The following SCG3 variants were observed in gnomAD, a reference collection of about 807,000 sequenced individuals.
The protein encoded by SCG3 is secretogranin-3.
In SCG3, 38 loss-of-function variants were observed where a neutral mutation model predicts 56.2. The observed-to-expected ratio is 0.68, with a 90% confidence interval of 0.52 to 0.89. The LOEUF (loss-of-function observed/expected upper bound fraction) is 0.89, where lower values mean the gene tolerates loss of function less well. SCG3 is among the 40% of genes least tolerant of loss of function. The pLI is 0.00. For synonymous variants in SCG3, 176 were observed against 184.2 expected, an observed-to-expected ratio of 0.96 and a Z score of 0.36; for missense variants, 524 against 540.7, an observed-to-expected ratio of 0.97 and a Z score of 0.31.
chr15:51,689,755 C>CTGCA (rs1245636016), intron 6 of SCG3, among the ~76,000 whole-genome samples: 1 of 151,754 alleles, frequency 6.6e-6, no homozygotes, highest in Non-Finnish European at 1.5e-5. Context: ...CCACTGCATA[C>CTGCA]CGGTCTGGGT....
intron 6 of SCG3, among the ~76,000 whole-genome samples, chr15:51,689,940 A>C (rs79672107): frequency 0.021 from 3,273 of 152,298 alleles, 99 homozygotes; most frequent in East Asian, 0.094. Flanking sequence ...CCACAGTAAA[A>C]TAATACATAA....
chr15:51,693,285 T>C (rs772739337), intron 7 of SCG3: 7 of 152,250 alleles, frequency 4.6e-5, no homozygotes, highest in Non-Finnish European at 1.0e-4. Flanking sequence ...GTATGAAACC[T>C]AATTCATCCT....
At chr15:51,692,931 T>G (rs1462750564) in intron 7 of SCG3, among the ~76,000 whole-genome samples, 1 of 152,136 alleles carries the variant, frequency 6.6e-6, no homozygotes, top group Non-Finnish European at 1.5e-5. Context: ...TTAGCTAATT[T>G]CAAGTACACA....
At chr15:51,714,487 C>T (rs777962347) in intron 11 of SCG3, among the ~76,000 whole-genome samples, 10 of 152,178 alleles carry the variant, frequency 6.6e-5, no homozygotes, top group Non-Finnish European at 1.0e-4. Context: ...GATTCTGACA[C>T]GATTCCCAGG....
In SCG3 at chr15:51,683,362, G is replaced by T; in HGVS notation, c.325G>T (p.Asp109Tyr). The change falls in exon 4 of 12, where the codon GAT becomes TAT. Residue 109 changes from aspartate to tyrosine, a missense_variant. Coordinates refer to ENST00000220478, the MANE Select transcript of SCG3 (RefSeq NM_013243.4). ...TAATAAGTTGAATGTGGAAGATGTT[G>T]ATTCAACCAAGAATCGAAAACTGAT... ...LDNKLNVEDV[D>Y]STKNRKLIDD... The T allele has an allele frequency of 6.2e-7, 1 of 1,613,640 alleles. No homozygotes were observed. The highest frequency in any genetic ancestry group is 1.1e-5 in the South Asian group (1 of 91,036).
intron 5 of SCG3, 81 bp from the exon 6 acceptor site, chr15:51,689,138 G>C: frequency 7.1e-7 from 1 of 1,405,538 alleles, no homozygotes. Context: ...ATACATGTTT[G>C]ACTACAGTTT....
chr15:51,683,388 C>G lies in SCG3; in HGVS notation c.351C>G (p.Ile117Met). Residue 117 changes from isoleucine to methionine, a missense_variant, in exon 4 of 12, where the codon ATC (isoleucine) becomes ATG (methionine). By Grantham distance (10) the Ile-to-Met change is conservative (BLOSUM62 1). Transcript: ENST00000220478. ...DVDSTKNRKL[I>M]DDYDSTKSGL... is the part of the protein sequence containing the mutation. ...ATTCAACCAAGAATCGAAAACTGATCGATGATTATGACTCTACTAAGAGTG... is the reference window on the plus strand; with the variant it reads ...ATTCAACCAAGAATCGAAAACTGATGGATGATTATGACTCTACTAAGAGTG... 6.2e-7 allele frequency: 1 copy of G among 1,613,300 alleles called. No homozygotes were observed. Among genetic ancestry groups the G allele is most frequent in the Non-Finnish European group, 8.5e-7 (1 of 1,179,684 alleles).
chr15:51,686,681 A>ATGTT (rs59206609), intron 4 of SCG3, among the ~76,000 whole-genome samples: 8,066 of 150,350 alleles, frequency 0.054, 316 homozygotes, highest in African/African-American at 0.094. Context: ...AACTGATTTT[A>ATGTT]TGTTTGTTTG....
At position 51,701,157 on chromosome 15, in the gene SCG3, G is replaced by T; in HGVS notation, c.1120G>T (p.Ala374Ser). The T allele has an allele frequency of 1.2e-6, 2 of 1,613,870 alleles. No homozygotes were observed. Among genetic ancestry groups the T allele is most frequent in the Non-Finnish European group, 1.7e-6 (2 of 1,179,898 alleles). ...EETDSTKEEA[A>S]KMEKEYGSLK... ...AACAGACAGTACCAAGGAAGAAGCAGCTAAGATGGAAAAGGAATATGGAAG... is the reference window on the plus strand; with the variant it reads ...AACAGACAGTACCAAGGAAGAAGCATCTAAGATGGAAAAGGAATATGGAAG... The change falls in exon 10 of 12, where the codon GCT (alanine) becomes TCT (serine). Residue 374 changes from alanine to serine, a missense_variant. Physicochemically the swap from Ala to Ser is moderately conservative, Grantham distance 99. Coordinates refer to ENST00000220478, the MANE Select transcript of SCG3 (RefSeq NM_013243.4).
rs138721955 is a variant in SCG3, at chr15:51,701,136, G to C, written c.1099G>C (p.Asp367His). Residue 367 changes from aspartate to histidine, a missense_variant, in exon 10 of 12, where the codon GAC (aspartate) becomes CAC (histidine). Physicochemically the swap from Asp to His is moderately conservative, Grantham distance 81. Transcript: ENST00000220478. ...ATCAGAGAAGAGTCATGAAGAAACA[G>C]ACAGTACCAAGGAAGAAGCAGCTAA... ...APSEKSHEET[D>H]STKEEAAKME... is the part of the protein sequence containing the mutation. 5.8e-5 allele frequency: 93 copies of C among 1,613,804 alleles called. No individual in the cohort carries two copies. Among genetic ancestry groups the C allele is most frequent in the Non-Finnish European group, 7.5e-5 (88 of 1,179,974 alleles).
Position 51,681,524 on chromosome 15 carries a change from G to C in SCG3, c.-232G>C, listed in dbSNP as rs1446278202. 1 of 555,748 alleles carries C rather than the reference G, an allele frequency of 1.8e-6. No homozygotes were observed. Among genetic ancestry groups the C allele is most frequent in the East Asian group, 3.0e-5 (1 of 33,760 alleles). The allele number at this position is 555,748 out of a possible 1,614,324, so 34.4% of individuals were successfully genotyped here. Reference sequence around the variant, plus strand: ...CGTCACAGGAACTTCAGCACCCACAGGGCGGACAGCGCTCCCCTCTACCTG... The same window carrying C: ...CGTCACAGGAACTTCAGCACCCACACGGCGGACAGCGCTCCCCTCTACCTG... On this transcript the variant is annotated 5_prime_UTR_variant, in exon 1 of 12. Transcript: ENST00000220478.
At chr15:51,719,108 C>T (rs1405778650) in intron 11 of SCG3, among the ~76,000 whole-genome samples, 1 of 152,174 alleles carries the variant, frequency 6.6e-6, no homozygotes, top group Admixed American at 6.5e-5. Flanking sequence ...TTGGTATAAA[C>T]ATTAAAATTT....
At chr15:51,714,954 C>A (rs2055444079) in intron 11 of SCG3, among the ~76,000 whole-genome samples, 1 of 152,154 alleles carries the variant, frequency 6.6e-6, no homozygotes, top group South Asian at 2.1e-4. Flanking sequence ...TTACAACATG[C>A]CATCAATGAC....
At chr15:51,689,397 G>GA in intron 6 of SCG3, 29 bp downstream of exon 6, 1 of 1,087,932 alleles carries the variant, frequency 9.2e-7, no homozygotes, top group Non-Finnish European at 1.2e-6. Flanking sequence ...GCATATGCAT[G>GA]GGGGTGTGTG....
Position 51,719,651 on chromosome 15 carries a change from A to C in SCG3, c.*125A>C. 2 of 634,560 alleles carry C rather than the reference A, an allele frequency of 3.2e-6. No homozygotes were observed. Among genetic ancestry groups the C allele is most frequent in the South Asian group, 2.1e-5 (1 of 48,142 alleles). 39.3% of individuals were successfully genotyped at this position (634,560 alleles called of 1,614,324 possible). Reference sequence around the variant, plus strand: ...TATTAGAAAGTGCTGAATTTACAGTAGTTAACCTTTTACAAGTGGTTAAAA... The same window carrying C: ...TATTAGAAAGTGCTGAATTTACAGTCGTTAACCTTTTACAAGTGGTTAAAA... On this transcript the variant is annotated 3_prime_UTR_variant, in exon 12 of 12. Coordinates refer to ENST00000220478, the MANE Select transcript of SCG3 (RefSeq NM_013243.4).
At position 51,683,111 on chromosome 15, in the gene SCG3, A is replaced by G. The variant is rs2064132284; in HGVS notation, c.168A>G (p.Lys56=). 4.3e-6 allele frequency: 7 copies of G among 1,610,046 alleles called. No homozygotes were observed. Among genetic ancestry groups the G allele is most frequent in the Non-Finnish European group, 5.9e-6 (7 of 1,178,340 alleles). The stretch of plus-strand genomic sequence containing the variant: ...AAGCAGAAGAAGACAAGATTAAAAA[A>G]ACATATCCTCCAGGTAAAAAGAAAT... ...IAEAEEDKIK[K]TYPPENKPGQ... is the part of the protein sequence containing the mutation. Residue 56 remains lysine (K), a synonymous_variant, in exon 3 of 12, where the codon AAA becomes AAG. Coordinates refer to ENST00000220478, the MANE Select transcript of SCG3 (RefSeq NM_013243.4).
intron 7 of SCG3, among the ~76,000 whole-genome samples, chr15:51,695,054 G>A (rs1319732534): frequency 1.3e-5 from 2 of 151,594 alleles, no homozygotes; most frequent in African/African-American, 4.8e-5. Flanking sequence ...AAGAAAAAAG[G>A]TTCCCAAGAA....
At chr15:51,711,728 TC>T (rs1307338917) in intron 10 of SCG3, among the ~76,000 whole-genome samples, 2 of 152,220 alleles carry the variant, frequency 1.3e-5, no homozygotes, top group Admixed American at 1.3e-4. Context: ...CAAACAATCC[TC>T]CCTCTTTGGC....
intron 7 of SCG3, chr15:51,693,236 C>T (rs1422723275): frequency 6.6e-6 from 1 of 152,188 alleles, no homozygotes; most frequent in African/African-American, 2.4e-5. Context: ...ACAAATCTTT[C>T]TTTAAAAGGC....
Sources: gnomAD v4.1 joint callset for allele counts (sites outside exome capture counted in the v4.1 genomes callset) on GRCh38, gnomAD v4.1.1 for gene constraint, MANE v1.5 for transcripts, NCBI Gene and HGNC (gene_info 2026-07-23, HGNC 2026-07-21) for gene names.